The following SDK1 variants were observed in gnomAD, a reference collection of about 807,000 sequenced individuals.
SDK1 encodes the protein protein sidekick-1.
SDK1 carries 157 observed loss-of-function variants against 245.5 expected under a neutral mutation model. The ratio of observed to expected loss-of-function variants is 0.64; its 90% CI spans 0.56 to 0.73. The LOEUF is 0.73. SDK1 is among the 30% of genes least tolerant of loss of function. The pLI, the probability that SDK1 is intolerant of heterozygous loss-of-function variation, is 0.00. For missense variants in SDK1, 3,583 were observed against 3,002.3 expected (o/e 1.19, Z -4.52); for synonymous variants, 1,647 against 1,278.5 (o/e 1.29, Z -6.15).
At chr7:3,566,011 G>A (rs533324510) in intron 1 of SDK1, among the ~76,000 whole-genome samples, 5 of 151,952 alleles carry the variant, frequency 3.3e-5, no homozygotes, top group African/African-American at 9.7e-5. Flanking sequence ...TTACAGCAAC[G>A]AAAGCAATAT....
At chr7:3,679,714 A>G (rs530522597) in intron 4 of SDK1, among the ~76,000 whole-genome samples, 2 of 152,224 alleles carry the variant, frequency 1.3e-5, no homozygotes. Context: ...TTCACTTCCT[A>G]CCTATCAGAA....
chr7:4,150,776 G>C (rs1298283069), intron 30 of SDK1, among the ~76,000 whole-genome samples: 1 of 152,222 alleles, frequency 6.6e-6, no homozygotes, highest in African/African-American at 2.4e-5. Flanking sequence ...ACTGGTCCTA[G>C]ATGTGACAAC....
At chr7:3,498,932 A>G (rs992942290) in intron 1 of SDK1, among the ~76,000 whole-genome samples, 4 of 152,122 alleles carry the variant, frequency 2.6e-5, no homozygotes, top group African/African-American at 9.7e-5. Context: ...GTAAGCATCA[A>G]TTTGGGAATG....
At chr7:3,844,536 C>G (rs1402032268) in intron 5 of SDK1, among the ~76,000 whole-genome samples, 2 of 152,154 alleles carry the variant, frequency 1.3e-5, no homozygotes, top group African/African-American at 4.8e-5. Flanking sequence ...CTCATCTGCC[C>G]CAGATGGACA....
At chr7:3,383,508 C>T (rs770425505) in intron 1 of SDK1, among the ~76,000 whole-genome samples, 117 of 152,222 alleles carry the variant, frequency 7.7e-4, no homozygotes, top group Non-Finnish European at 1.3e-3. Context: ...CTCTTTTTGG[C>T]CTCCATGTAA....
At chr7:3,311,479 T>C (rs1028724545) in intron 1 of SDK1, among the ~76,000 whole-genome samples, 4 of 152,086 alleles carry the variant, frequency 2.6e-5, no homozygotes, top group Non-Finnish European at 5.9e-5. Context: ...CTATTGAAAT[T>C]CTCAAGGAAA....
intron 1 of SDK1, among the ~76,000 whole-genome samples, chr7:3,451,464 C>A (rs565754731): frequency 1.3e-5 from 2 of 152,036 alleles, no homozygotes; most frequent in South Asian, 4.1e-4. Context: ...GACTTGGACA[C>A]GGGGAAGGGA....
At position 3,301,849 on chromosome 7, in the gene SDK1, C is replaced by G. The variant is rs1183380347; in HGVS notation, c.263C>G (p.Ala88Gly). Residue 88 changes from alanine to glycine, a missense_variant, in exon 1 of 45, where the codon GCG becomes GGG. Physicochemically the swap from Ala to Gly is moderately conservative, Grantham distance 60. Transcript: ENST00000404826. ...PGRRGWWALL[A>G]LQLHLLRALA... Reference sequence around the variant, plus strand: ...CGCCGCGGCTGGTGGGCGCTGCTGGCGCTGCAGCTGCACTTGCTCCGGGCG... The same window carrying G: ...CGCCGCGGCTGGTGGGCGCTGCTGGGGCTGCAGCTGCACTTGCTCCGGGCG... The G allele has an allele frequency of 3.4e-5, 38 of 1,133,858 alleles. No homozygotes were observed. The highest frequency in any genetic ancestry group is 3.7e-4 in the Middle Eastern group (1 of 2,730). 70.2% of individuals were successfully genotyped at this position (1,133,858 alleles called of 1,614,324 possible). A position where few individuals can be genotyped will look rare whatever the true frequency, so the allele number is the denominator to read the frequency against.
chr7:3,625,412 A>T (rs978851271), intron 2 of SDK1, among the ~76,000 whole-genome samples: 9 of 152,324 alleles, frequency 5.9e-5, no homozygotes, highest in African/African-American at 1.9e-4. Context: ...TTCTGTCTCT[A>T]ATAACTTGGG....
At chr7:3,570,594 C>T (rs1350783961) in intron 1 of SDK1, among the ~76,000 whole-genome samples, 1 of 152,210 alleles carries the variant, frequency 6.6e-6, no homozygotes, top group Admixed American at 6.5e-5. Context: ...GTCTCCAATT[C>T]TGTCTTATCT....
intron 4 of SDK1, among the ~76,000 whole-genome samples, chr7:3,705,571 T>G (rs1013089935): frequency 2.0e-5 from 3 of 151,964 alleles, no homozygotes; most frequent in African/African-American, 7.2e-5. Flanking sequence ...TGTTGGCATG[T>G]AGCAATGCTA....
At chr7:3,568,190 T>G (rs1454266630) in intron 1 of SDK1, among the ~76,000 whole-genome samples, 1 of 152,272 alleles carries the variant, frequency 6.6e-6, no homozygotes, top group African/African-American at 2.4e-5. Context: ...TGATAATGGA[T>G]AAATGCATTT....
intron 35 of SDK1, among the ~76,000 whole-genome samples, chr7:4,186,543 G>A (rs116915110): frequency 0.036 from 5,553 of 152,240 alleles, 140 homozygotes; most frequent in Non-Finnish European, 0.055. Context: ...GAGCCGGCTC[G>A]CCTTCCCCAC....
At chr7:3,774,939 G>C (rs1270238066) in intron 4 of SDK1, among the ~76,000 whole-genome samples, 1 of 152,162 alleles carries the variant, frequency 6.6e-6, no homozygotes, top group Non-Finnish European at 1.5e-5. Context: ...CTTCTATGGT[G>C]GGTCCTCTGT....
intron 4 of SDK1, among the ~76,000 whole-genome samples, chr7:3,684,260 C>A (rs930200): frequency 0.82 from 125,250 of 152,142 alleles, 51,708 homozygotes; most frequent in Non-Finnish European, 0.85. Context: ...TAAGCATCAC[C>A]CCACACACCC....
intron 1 of SDK1, among the ~76,000 whole-genome samples, chr7:3,320,223 C>A (rs1290731436): frequency 6.6e-6 from 1 of 152,046 alleles, no homozygotes; most frequent in Non-Finnish European, 1.5e-5. Context: ...TTCTGGAGAC[C>A]TGAGTCTCAT....
At chr7:3,739,319 G>T (rs1320694846) in intron 4 of SDK1, among the ~76,000 whole-genome samples, 1 of 152,132 alleles carries the variant, frequency 6.6e-6, no homozygotes, top group African/African-American at 2.4e-5. Context: ...TACATATACA[G>T]ACCATTGTTT....
At chr7:3,991,245 AACAAC>A in intron 14 of SDK1, among the ~76,000 whole-genome samples, 1 of 152,118 alleles carries the variant, frequency 6.6e-6, no homozygotes, top group Non-Finnish European at 1.5e-5. Context: ...CTCAGTGGGA[AACAAC>A]TGCCCGTGAG....
chr7:3,507,201 C>A (rs533111709), intron 1 of SDK1, among the ~76,000 whole-genome samples: 1 of 152,124 alleles, frequency 6.6e-6, no homozygotes, highest in African/African-American at 2.4e-5. Flanking sequence ...CAGCATTTAC[C>A]CAGCTTAGTT....
Sources: gnomAD v4.1 joint callset for allele counts (sites outside exome capture counted in the v4.1 genomes callset) on GRCh38, gnomAD v4.1.1 for gene constraint, MANE v1.5 for transcripts, NCBI Gene and HGNC (gene_info 2026-07-23, HGNC 2026-07-21) for gene names.